The following MYOF variants were observed in gnomAD, a reference collection of about 807,000 sequenced individuals.
MYOF encodes the protein fer-1-like 3, myoferlin.
In MYOF, 244 loss-of-function variants were observed where a neutral mutation model predicts 284.2. That is an observed-to-expected ratio of 0.86 (90% CI 0.77 to 0.95). The LOEUF is 0.95. Among genes scored for constraint, MYOF ranks in the 40% least tolerant of loss-of-function variants. The pLI, the probability that MYOF is intolerant of heterozygous loss-of-function variation, is 0.00. For synonymous variants in MYOF, 904 were observed against 919.7 expected (o/e 0.98, Z 0.31); for missense variants, 2,496 against 2,560.6 (o/e 0.97, Z 0.54).
At chr10:93,367,552 C>T (rs1355393356) in intron 25 of MYOF, among the ~76,000 whole-genome samples, 2 of 152,074 alleles carry the variant, frequency 1.3e-5, no homozygotes, top group Non-Finnish European at 2.9e-5. Flanking sequence ...TCCTAAGGGA[C>T]CTTAAGGCTT....
At chr10:93,415,645 T>A (rs984201120) in intron 5 of MYOF, among the ~76,000 whole-genome samples, 3 of 152,208 alleles carry the variant, frequency 2.0e-5, no homozygotes, top group Admixed American at 2.0e-4. Context: ...AAATCAATCA[T>A]CTACCTGTAT....
At chr10:93,449,300 A>G (rs1447667883) in intron 3 of MYOF, among the ~76,000 whole-genome samples, 1 of 152,226 alleles carries the variant, frequency 6.6e-6, no homozygotes, top group East Asian at 1.9e-4. Flanking sequence ...ATTTCTTCAT[A>G]TTTGTGTTAA....
intron 41 of MYOF, among the ~76,000 whole-genome samples, chr10:93,334,727 C>T (rs961331241): frequency 3.3e-5 from 5 of 152,178 alleles, no homozygotes; most frequent in African/African-American, 1.2e-4. Context: ...GGTCTTTATT[C>T]AGTCAAGCAG....
intron 2 of MYOF, 50 bp downstream of exon 2, chr10:93,456,832 T>A (rs554725084): frequency 7.2e-7 from 1 of 1,379,504 alleles, no homozygotes; most frequent in African/African-American, 1.4e-5. Flanking sequence ...GATAGGACAA[T>A]CAGAAATAGC....
Position 93,402,849 on chromosome 10 carries a change from A to G in MYOF, c.874+11T>C, listed in dbSNP as rs1342099780. On this transcript the variant is annotated intron_variant, in intron 10 of 53. Coordinates refer to ENST00000359263, the MANE Select transcript of MYOF (RefSeq NM_013451.4). ...TTAAGACTTCATATTGATGGGGAGA[A>G]CATTACTTACCAGGTTCATCATAAA... 2 of 1,608,180 alleles carry G rather than the reference A, an allele frequency of 1.2e-6. No individual in the cohort carries two copies. The highest frequency in any genetic ancestry group is 1.7e-4 in the Middle Eastern group (1 of 6,044).
At chr10:93,407,452 C>T (rs1480652728) in intron 7 of MYOF, among the ~76,000 whole-genome samples, 3 of 116,878 alleles carry the variant, frequency 2.6e-5, no homozygotes, top group Non-Finnish European at 3.6e-5. Context: ...AAAAAAAGGC[C>T]GGGTGTGGTG....
Position 93,351,693 on chromosome 10 carries a change from A to G in MYOF, c.3635T>C (p.Ile1212Thr). ...QTVLQNPPKV[I>T]MELFDNDQVG... ...TTGGTCATTGTCAAAAAGTTCCATGATAACTTTGGGTGGATTCTGTAGAAC... is the reference window on the plus strand; with the variant it reads ...TTGGTCATTGTCAAAAAGTTCCATGGTAACTTTGGGTGGATTCTGTAGAAC... The change falls in exon 33 of 54, where the codon ATC (isoleucine) becomes ACC (threonine). Residue 1212 changes from isoleucine (I) to threonine (T), a missense_variant. Physicochemically the swap from Ile to Thr is moderately conservative, Grantham distance 89 (BLOSUM62 -1). This residue lies in a region of MYOF where 2,436 missense variants were observed against 2,480.7 expected (regional missense o/e 0.98). Transcript: ENST00000359263. 1 of 1,588,212 alleles carries G rather than the reference A, an allele frequency of 6.3e-7. No individual in the cohort carries two copies. The highest frequency in any genetic ancestry group is 8.5e-7 in the Non-Finnish European group (1 of 1,169,846).
chr10:93,309,627 A>T (rs1359257709), intron 53 of MYOF, among the ~76,000 whole-genome samples: 1 of 152,140 alleles, frequency 6.6e-6, no homozygotes, highest in African/African-American at 2.4e-5. Context: ...CCCACAATGA[A>T]CCCAGATTTG....
chr10:93,480,467 C>CTTTT (rs34363499), intron 1 of MYOF, among the ~76,000 whole-genome samples: 1 of 71,766 alleles, frequency 1.4e-5, no homozygotes, highest in African/African-American at 5.8e-5. Context: ...AATTTGCCAG[C>CTTTT]TTTTTTTTTT....
In MYOF at chr10:93,335,905, C is replaced by T; in HGVS notation, c.4563+16G>A. On this transcript the variant is annotated intron_variant, in intron 41 of 53. Coordinates refer to ENST00000359263, the MANE Select transcript of MYOF (RefSeq NM_013451.4). ...GAAGGTGGATTTTAAACGGGACCAA[C>T]ACACATCTTACTCACCTTAAACTCT... 4 of 1,612,648 alleles carry T rather than the reference C, an allele frequency of 2.5e-6. No homozygotes were observed. Among genetic ancestry groups the T allele is most frequent in the Non-Finnish European group, 3.4e-6 (4 of 1,179,578 alleles).
chr10:93,373,521 CTTTT>C (rs35052390), intron 23 of MYOF, among the ~76,000 whole-genome samples: 3 of 151,896 alleles, frequency 2.0e-5, no homozygotes, highest in Admixed American at 6.6e-5. Context: ...TCAAAAACCT[CTTTT>C]TTTATTATAA....
intron 16 of MYOF, among the ~76,000 whole-genome samples, chr10:93,393,831 T>C (rs948376078): frequency 6.6e-6 from 1 of 151,984 alleles, no homozygotes; most frequent in Non-Finnish European, 1.5e-5. Flanking sequence ...ACTTTTACAC[T>C]GTAATGGGTG....
At chr10:93,407,988 C>T (rs1308759742) in intron 7 of MYOF, among the ~76,000 whole-genome samples, 1 of 152,034 alleles carries the variant, frequency 6.6e-6, no homozygotes, top group Non-Finnish European at 1.5e-5. Context: ...GAAGTTATCA[C>T]AAAAACACCA....
rs975127224 is a variant in MYOF, at chr10:93,334,059, A to C, written c.4564-146T>G. 21 of 732,628 alleles carry C rather than the reference A, an allele frequency of 2.9e-5. 1 individual carries two copies. The highest frequency in any genetic ancestry group is 3.9e-4 in the Middle Eastern group (1 of 2,554). The allele number at this position is 732,628 out of a possible 1,614,324, so 45.4% of individuals were successfully genotyped here. ...AGAAATAATGTATATTGCACTTTGC[A>C]TATTTCCAGTAGGGAAAGTGAAATG... is the stretch of plus-strand genomic sequence containing the variant. On this transcript the variant is annotated intron_variant, in intron 41 of 53. Transcript: ENST00000359263.
At chr10:93,429,260 C>A (rs527953853) in intron 4 of MYOF, among the ~76,000 whole-genome samples, 5 of 152,324 alleles carry the variant, frequency 3.3e-5, no homozygotes, top group African/African-American at 1.2e-4. Flanking sequence ...TCTCCACCTT[C>A]CCCCACGAGT....
intron 5 of MYOF, among the ~76,000 whole-genome samples, chr10:93,417,691 C>G (rs1399624453): frequency 1.3e-5 from 2 of 152,138 alleles, no homozygotes; most frequent in Non-Finnish European, 2.9e-5. Context: ...CATCATCCCA[C>G]TTTGTCTGCA....
intron 3 of MYOF, among the ~76,000 whole-genome samples, chr10:93,447,568 AC>A (rs1259522762): frequency 1.2e-5 from 1 of 83,392 alleles, no homozygotes; most frequent in Non-Finnish European, 2.8e-5. Flanking sequence ...CTTCAGCTAA[AC>A]TCCCCCCTTC....
At chr10:93,426,438 G>C (rs560155022) in intron 4 of MYOF, among the ~76,000 whole-genome samples, 4 of 152,228 alleles carry the variant, frequency 2.6e-5, no homozygotes, top group Admixed American at 1.3e-4. Context: ...GTGACAAGCA[G>C]GTGTGAATTG....
chr10:93,323,311 T>C lies in MYOF; in HGVS notation c.5319A>G (p.Pro1773=). 6.2e-7 allele frequency: 1 copy of C among 1,614,102 alleles called. No individual in the cohort carries two copies. The highest frequency in any genetic ancestry group is 8.5e-7 in the Non-Finnish European group (1 of 1,179,934). ...GTGTGATGTTGAAAGGAGGGCCTGG[T>C]GGCCCCAAACTCTTGGGGAAAACAT... ...WVDVFPKSLG[P]PGPPFNITPR... is the part of the protein sequence containing the mutation. Residue 1773 remains proline, a synonymous_variant, in exon 47 of 54, where the codon CCA becomes CCG. Transcript: ENST00000359263.
Sources: gnomAD v4.1 joint callset for allele counts (sites outside exome capture counted in the v4.1 genomes callset) on GRCh38, gnomAD v4.1.1 for gene constraint, gnomAD v4.1.1 regional missense constraint, MANE v1.5 for transcripts, NCBI Gene and HGNC (gene_info 2026-07-23, HGNC 2026-07-21) for gene names.